The following GPC6 variants were observed in gnomAD, a reference collection of about 807,000 sequenced individuals.
GPC6 encodes the protein glypican 6.
Under a neutral mutation model 55.2 loss-of-function variants are expected in GPC6, and 14 were observed. The ratio of observed to expected loss-of-function variants is 0.25; its 90% CI spans 0.17 to 0.40. The LOEUF is 0.40. Among genes scored for constraint, GPC6 ranks in the 10% least tolerant of loss-of-function variants. The pLI is 1.00. For synonymous variants in GPC6, 278 were observed against 259.6 expected (o/e 1.07, Z -0.68); for missense variants, 641 against 708.5 (o/e 0.90, Z 1.08).
chr13:93,750,873 G>A (rs775942968), intron 2 of GPC6, among the ~76,000 whole-genome samples: 3 of 152,170 alleles, frequency 2.0e-5, no homozygotes, highest in Non-Finnish European at 4.4e-5. Flanking sequence ...TCCAACAGAA[G>A]TTGAGCCTGT....
chr13:93,575,269 G>T (rs970508541), intron 2 of GPC6, among the ~76,000 whole-genome samples: 5 of 152,044 alleles, frequency 3.3e-5, no homozygotes, highest in African/African-American at 9.7e-5. Flanking sequence ...CCAGCCTGGG[G>T]TATAGAACGA....
intron 4 of GPC6, among the ~76,000 whole-genome samples, chr13:94,089,033 G>T (rs1204518901): frequency 6.6e-6 from 1 of 152,122 alleles, no homozygotes; most frequent in Non-Finnish European, 1.5e-5. Flanking sequence ...TCGGTTTTAT[G>T]CAGCTGTGCT....
intron 1 of GPC6, among the ~76,000 whole-genome samples, chr13:93,446,591 A>G (rs924690012): frequency 2.0e-5 from 3 of 152,156 alleles, no homozygotes; most frequent in African/African-American, 4.8e-5. Flanking sequence ...TAGACATAGC[A>G]TGATGACTAC....
At chr13:94,229,353 G>A (rs1429965104) in intron 4 of GPC6, among the ~76,000 whole-genome samples, 1 of 152,112 alleles carries the variant, frequency 6.6e-6, no homozygotes, top group Non-Finnish European at 1.5e-5. Flanking sequence ...GGAGGGCCTG[G>A]TTATCAACGG....
intron 7 of GPC6, 47 bp from the exon 8 acceptor site, chr13:94,398,419 T>C: frequency 7.0e-7 from 1 of 1,421,912 alleles, no homozygotes; most frequent in Non-Finnish European, 9.9e-7. Flanking sequence ...GGTTTTACAG[T>C]TTCTGTGGCA....
chr13:94,350,279 T>C (rs1469140651), intron 6 of GPC6, among the ~76,000 whole-genome samples: 18 of 152,038 alleles, frequency 1.2e-4, no homozygotes. Context: ...TTGGAGAGTT[T>C]CGAAAAATCT....
chr13:94,217,368 A>G (rs929448510), intron 4 of GPC6, among the ~76,000 whole-genome samples: 3 of 152,198 alleles, frequency 2.0e-5, no homozygotes, highest in Non-Finnish European at 4.4e-5. Flanking sequence ...GCATATTTGT[A>G]TGGAATGTTG....
At chr13:93,672,688 T>TA (rs1881420614) in intron 2 of GPC6, among the ~76,000 whole-genome samples, 1 of 151,490 alleles carries the variant, frequency 6.6e-6, no homozygotes, top group African/African-American at 2.4e-5. Context: ...AACATATATA[T>TA]ATATATAATC....
chr13:94,149,249 C>T (rs774627449), intron 4 of GPC6, among the ~76,000 whole-genome samples: 1 of 151,948 alleles, frequency 6.6e-6, no homozygotes, highest in Non-Finnish European at 1.5e-5. Context: ...CAAAGAGAGC[C>T]CCGAAGTCCC....
chr13:93,405,435 G>A (rs780130766), intron 1 of GPC6, among the ~76,000 whole-genome samples: 26 of 152,212 alleles, frequency 1.7e-4, no homozygotes, highest in Non-Finnish European at 3.2e-4. Context: ...TCCTTTCGCC[G>A]CTGGAGTCAT....
At chr13:94,388,358 A>G (rs975099498) in intron 7 of GPC6, among the ~76,000 whole-genome samples, 5 of 152,222 alleles carry the variant, frequency 3.3e-5, no homozygotes, top group Admixed American at 2.0e-4. Context: ...TCGTTCAATT[A>G]TAACATCACC....
chr13:94,312,735 C>CACACACACACACACACACAT (rs757317085), intron 6 of GPC6, among the ~76,000 whole-genome samples: 6 of 140,562 alleles, frequency 4.3e-5, no homozygotes, highest in African/African-American at 1.5e-4. Flanking sequence ...CACACACACA[C>CACACACACACACACACACAT]ACACACATGC....
At chr13:93,875,710 A>G (rs1433119745) in intron 3 of GPC6, among the ~76,000 whole-genome samples, 2 of 152,082 alleles carry the variant, frequency 1.3e-5, no homozygotes. Context: ...CAGGTGCCCA[A>G]TAAATGATTC....
chr13:93,716,167 A>G (rs1444781650), intron 2 of GPC6, among the ~76,000 whole-genome samples: 1 of 151,722 alleles, frequency 6.6e-6, no homozygotes, highest in African/African-American at 2.4e-5. Context: ...TATACAGTAC[A>G]TACTACTTGA....
At chr13:93,630,430 A>G (rs1879380449) in intron 2 of GPC6, among the ~76,000 whole-genome samples, 1 of 152,128 alleles carries the variant, frequency 6.6e-6, no homozygotes, top group African/African-American at 2.4e-5. Flanking sequence ...AATTCCTTTC[A>G]TGGAGGACAT....
intron 1 of GPC6, among the ~76,000 whole-genome samples, chr13:93,334,489 G>A (rs906226347): frequency 2.0e-5 from 3 of 152,072 alleles, no homozygotes; most frequent in African/African-American, 7.2e-5. Context: ...TTGAGACAGA[G>A]TCTCACTCTG....
chr13:93,547,159 T>G, intron 2 of GPC6, among the ~76,000 whole-genome samples: 1 of 122,646 alleles, frequency 8.2e-6, no homozygotes. Context: ...TGAAACCCCA[T>G]CTCTACTAAA....
chr13:93,743,848 G>C (rs918822892), intron 2 of GPC6, among the ~76,000 whole-genome samples: 5 of 152,140 alleles, frequency 3.3e-5, no homozygotes, highest in African/African-American at 1.2e-4. Flanking sequence ...TGTATGGTGA[G>C]TTTACTTCAA....
At chr13:93,418,407 T>C (rs558804219) in intron 1 of GPC6, among the ~76,000 whole-genome samples, 1 of 146,208 alleles carries the variant, frequency 6.8e-6, no homozygotes, top group Admixed American at 6.7e-5. Flanking sequence ...CGTAGTATTA[T>C]TTTATTAATA....
Sources: gnomAD v4.1 joint callset for allele counts (sites outside exome capture counted in the v4.1 genomes callset) on GRCh38, gnomAD v4.1.1 for gene constraint, MANE v1.5 for transcripts, NCBI Gene and HGNC (gene_info 2026-07-23, HGNC 2026-07-21) for gene names.